CCDC68: variants seen among roughly 807,000 people sequenced by gnomAD.
CCDC68 encodes the protein coiled-coil domain containing 68.
CCDC68 carries 45 observed loss-of-function variants against 47.1 expected under a neutral mutation model. The observed-to-expected ratio is 0.96, with a 90% CI of 0.75 to 1.23. The LOEUF is 1.23. Among genes scored for constraint, CCDC68 ranks in the 50% most tolerant of loss-of-function variants. The pLI, the probability that CCDC68 is intolerant of heterozygous loss-of-function variation, is 0.00. For missense variants in CCDC68, 353 were observed against 373.6 expected (o/e 0.94, Z 0.45); for synonymous variants, 131 against 129.5 (o/e 1.01, Z -0.08).
chr18:54,942,955 G>T, intron 2 of CCDC68, 152 bp from the exon 3 acceptor site: 1 of 472,262 alleles, frequency 2.1e-6, no homozygotes, highest in African/African-American at 2.1e-5. Flanking sequence ...CATAAATCCA[G>T]GAATTAATTT....
At chr18:54,941,842 C>G (rs1197543113) in intron 3 of CCDC68, among the ~76,000 whole-genome samples, 1 of 152,158 alleles carries the variant, frequency 6.6e-6, no homozygotes, top group African/African-American at 2.4e-5. Context: ...GTTGCCCAGG[C>G]TGGAGTGCAA....
rs756572300 is a variant in CCDC68 at position 54,942,712 on chromosome 18, GACGTAGACTCATACA to G, written c.65_79del (p.Leu22_Thr26del). ...CTCGGTTTCTTCAATAATGTGAGCG[GACGTAGACTCATACA>G]AGGCAGAATTATCTTCCATCTTATC... On this transcript the variant is annotated inframe_deletion, in exon 3 of 12. Coordinates refer to ENST00000591504, the MANE Select transcript of CCDC68 (RefSeq NM_025214.3). The G allele has an allele frequency of 6.2e-7, 1 of 1,610,954 alleles. No individual in the cohort carries two copies. Among genetic ancestry groups the G allele is most frequent in the Non-Finnish European group, 8.5e-7 (1 of 1,177,974 alleles).
chr18:54,927,143 T>A (rs2044159919), intron 8 of CCDC68, among the ~76,000 whole-genome samples: 1 of 152,230 alleles, frequency 6.6e-6, no homozygotes. Context: ...CATTTTCTTG[T>A]TACTTCACAA....
chr18:54,950,773 G>C (rs1490331652), intron 1 of CCDC68, among the ~76,000 whole-genome samples: 3 of 80,424 alleles, frequency 3.7e-5, no homozygotes, highest in Non-Finnish European at 8.2e-5. Flanking sequence ...CTGTGTTATT[G>C]TTATTATCTT....
chr18:54,944,503 C>A (rs1443561209), intron 2 of CCDC68, among the ~76,000 whole-genome samples: 4 of 152,000 alleles, frequency 2.6e-5, no homozygotes, highest in African/African-American at 9.7e-5. Flanking sequence ...TGAAACTTAT[C>A]AAAAATGTTA....
At chr18:54,952,878 C>A (rs188455183) in intron 1 of CCDC68, among the ~76,000 whole-genome samples, 2 of 151,928 alleles carry the variant, frequency 1.3e-5, no homozygotes, top group Non-Finnish European at 1.5e-5. Flanking sequence ...CCAGTTGTGG[C>A]GGTGCACGTG....
chr18:54,941,963 T>A (rs60497703), intron 3 of CCDC68, among the ~76,000 whole-genome samples: 26,718 of 151,906 alleles, frequency 0.18, 2,911 homozygotes, highest in East Asian at 0.32. Context: ...GCCTGGCTAA[T>A]TTTTTTGTAT....
chr18:54,907,835 G>T lies in CCDC68; in HGVS notation c.901C>A (p.Leu301Ile), dbSNP rs748770244. Residue 301 changes from leucine (L) to isoleucine (I), a missense_variant, in exon 11 of 12, where the codon CTT (leucine) becomes ATT (isoleucine). Transcript: ENST00000591504. ...QNKELKTQVALSSETPRTKVS... is the reference protein window; with the variant it reads ...QNKELKTQVAISSETPRTKVS... ...TTTGTCCTAGGAGTTTCAGATGAAA[G>T]TGCTACCTGGGTTTTTAGTTCTTTA... The T allele has an allele frequency of 9.9e-6, 16 of 1,608,056 alleles. No homozygotes were observed. The South Asian group carries it at 1.8e-4, about 18-fold the overall frequency.
At chr18:54,938,223 T>A in intron 4 of CCDC68, 126 bp from the exon 5 acceptor site, 1 of 838,864 alleles carries the variant, frequency 1.2e-6, no homozygotes, top group East Asian at 3.1e-5. Context: ...AAACATCTTT[T>A]GAATCTCAAA....
At chr18:54,942,915 A>G (rs555676883) in intron 2 of CCDC68, 112 bp from the exon 3 acceptor site, 4 of 668,414 alleles carry the variant, frequency 6.0e-6, no homozygotes, top group Non-Finnish European at 1.1e-5. Context: ...ATAGCAGAAA[A>G]GCTATAAATC....
Position 54,928,811 on chromosome 18 carries a change from T to C in CCDC68, c.672A>G (p.Thr224=), listed in dbSNP as rs1568145890. The stretch of plus-strand genomic sequence containing the variant: ...GTAGCTTCACAAACCTTTTTCCATA[T>C]GTAGCACTGGATTTGAGTTGCAGTA... ...NKLLQLKSSA[T]YGKSCQDLQR... The change falls in exon 8 of 12, where the codon ACA becomes ACG. Residue 224 remains threonine (T), a synonymous_variant. Transcript: ENST00000591504. The C allele has an allele frequency of 2.5e-6, 4 of 1,610,182 alleles. No homozygotes were observed. Among genetic ancestry groups the C allele is most frequent in the Non-Finnish European group, 3.4e-6 (4 of 1,176,404 alleles).
At position 54,948,591 on chromosome 18, in the gene CCDC68, TCTTTA is replaced by T. The variant is rs531141929; in HGVS notation, c.-102-3119_-102-3115del. Among the ~76,000 whole-genome samples, 593 of 152,342 alleles carry T rather than the reference TCTTTA, an allele frequency of 3.9e-3. 7 individuals are homozygous for T. Among genetic ancestry groups the T allele is most frequent in the African/African-American group, 0.013 (560 of 41,576 alleles). On this transcript the variant is annotated intron_variant, in intron 1 of 11. Coordinates refer to ENST00000591504, the MANE Select transcript of CCDC68 (RefSeq NM_025214.3). ...GAGACTGTAACAAGAGTGTTTCCTT[TCTTTA>T]CTTAACTCTTGATTCATTTATTGAG...
intron 11 of CCDC68, 38 bp downstream of exon 11, chr18:54,907,747 AG>A (rs1369126772): frequency 2.7e-6 from 3 of 1,106,470 alleles, no homozygotes; most frequent in Admixed American, 1.7e-5. Context: ...TGTTCAACAT[AG>A]GTTGTGAAGA....
intron 1 of CCDC68, among the ~76,000 whole-genome samples, chr18:54,950,099 T>G (rs983603874): frequency 1.3e-5 from 2 of 152,224 alleles, no homozygotes; most frequent in Non-Finnish European, 2.9e-5. Context: ...CAGTAAATTC[T>G]TCTTCTACCA....
intron 1 of CCDC68, among the ~76,000 whole-genome samples, chr18:54,949,414 A>C (rs1426329217): frequency 2.0e-5 from 3 of 152,174 alleles, no homozygotes; most frequent in Admixed American, 6.6e-5. Flanking sequence ...CGTTTGCCTA[A>C]GGAGTTGTCT....
chr18:54,931,913 G>T (rs2044270367), intron 7 of CCDC68, among the ~76,000 whole-genome samples: 1 of 152,022 alleles, frequency 6.6e-6, no homozygotes. Context: ...TTTTTCTCCA[G>T]GGGGCACCTA....
intron 5 of CCDC68, chr18:54,937,637 A>C (rs559795906): frequency 8.2e-4 from 136 of 166,470 alleles, no homozygotes; most frequent in African/African-American, 3.2e-3. Context: ...GAGATGTACT[A>C]AGTGTACAGT....
chr18:54,934,600 T>C (rs2044312934), intron 7 of CCDC68, among the ~76,000 whole-genome samples: 1 of 152,200 alleles, frequency 6.6e-6, no homozygotes, highest in South Asian at 2.1e-4. Flanking sequence ...ATGACTACAG[T>C]ATTTGCAGAA....
At chr18:54,908,793 C>T (rs562767630) in intron 10 of CCDC68, among the ~76,000 whole-genome samples, 1 of 152,066 alleles carries the variant, frequency 6.6e-6, no homozygotes, top group Non-Finnish European at 1.5e-5. Flanking sequence ...CTCACTTCAA[C>T]CTCCACCTCC....
Sources: allele counts gnomAD v4.1 joint callset (sites outside exome capture counted in the v4.1 genomes callset), GRCh38; gene constraint gnomAD v4.1.1; transcripts MANE v1.5; gene names NCBI Gene and HGNC (gene_info 2026-07-23, HGNC 2026-07-21).